The following LDB2 variants were observed in gnomAD, a reference collection of about 807,000 sequenced individuals.
The protein encoded by LDB2 is LIM domain-binding protein 2.
A neutral mutation model predicts 44.3 loss-of-function variants in LDB2; 12 were observed. The observed-to-expected ratio is 0.27, with a 90% CI of 0.17 to 0.44. The LOEUF is 0.44. LDB2 is among the 20% of genes least tolerant of loss of function. The pLI is 1.00. For synonymous variants in LDB2, 164 were observed against 174.8 expected, an observed-to-expected ratio of 0.94 and a Z score of 0.49; for missense variants, 344 against 473.5, an observed-to-expected ratio of 0.73 and a Z score of 2.54.
chr4:16,516,698 T>A (rs1012351064), intron 5 of LDB2, among the ~76,000 whole-genome samples: 1 of 152,204 alleles, frequency 6.6e-6, no homozygotes, highest in Non-Finnish European at 1.5e-5. Context: ...TGTCTTTTCC[T>A]TTTTTGCAGT....
At chr4:16,594,436 G>A (rs1720186064) in intron 3 of LDB2, among the ~76,000 whole-genome samples, 1 of 152,080 alleles carries the variant, frequency 6.6e-6, no homozygotes. Flanking sequence ...CTTTGTCTCT[G>A]ACTGACAACT....
At position 16,712,624 on chromosome 4, in the gene LDB2, A is replaced by G. The variant is rs563943502; in HGVS notation, c.235+46534T>C. Among the ~76,000 whole-genome samples the G allele has an allele frequency of 2.6e-5, 4 of 152,284 alleles. No individual in the cohort carries two copies. In the South Asian group the frequency reaches 6.2e-4, roughly 24 times the overall value. On this transcript the variant is annotated intron_variant, in intron 2 of 7. Coordinates refer to ENST00000304523, the MANE Select transcript of LDB2 (RefSeq NM_001290.5). ...AGCACCTGAAAAAATGCTCAACATC[A>G]TTAGTCACTAGGGAACTGCAAATCA...
intron 1 of LDB2, among the ~76,000 whole-genome samples, chr4:16,835,542 T>A (rs1315963223): frequency 6.6e-6 from 1 of 152,234 alleles, no homozygotes; most frequent in Non-Finnish European, 1.5e-5. Context: ...TTTCTGACTA[T>A]TTTTTAAGGC....
intron 2 of LDB2, among the ~76,000 whole-genome samples, chr4:16,599,066 T>C (rs755800122): frequency 2.0e-5 from 3 of 152,094 alleles, no homozygotes; most frequent in Non-Finnish European, 4.4e-5. Context: ...CACACTGTGT[T>C]AGAAGCTGCA....
chr4:16,712,278 T>C (rs1209601802), intron 2 of LDB2, among the ~76,000 whole-genome samples: 2 of 152,112 alleles, frequency 1.3e-5, no homozygotes, highest in Non-Finnish European at 2.9e-5. Context: ...TGAAGAAAGC[T>C]ATACAAGGCT....
At chr4:16,506,109 C>G (rs1357288972) in intron 7 of LDB2, 5 of 919,112 alleles carry the variant, frequency 5.4e-6, no homozygotes, top group African/African-American at 5.0e-5. Context: ...TTGGACCAGA[C>G]AGTGGATGCC....
In LDB2 at chr4:16,502,582, G is replaced by C; in HGVS notation, c.*61C>G. 1 of 1,587,704 alleles carries C rather than the reference G, an allele frequency of 6.3e-7. No individual in the cohort carries two copies. Among genetic ancestry groups the C allele is most frequent in the South Asian group, 1.1e-5 (1 of 90,354 alleles). ...TTCTGTTTCCTCTCCTGTAAGTAAA[G>C]ATTTGCAATTGTAATGATCACCCAC... On this transcript the variant is annotated 3_prime_UTR_variant, in exon 8 of 8. Coordinates refer to ENST00000304523, the MANE Select transcript of LDB2 (RefSeq NM_001290.5).
chr4:16,736,048 C>CGA (rs1761834050), intron 2 of LDB2, among the ~76,000 whole-genome samples: 3 of 152,162 alleles, frequency 2.0e-5, no homozygotes, highest in African/African-American at 7.2e-5. Context: ...TATGTGTACC[C>CGA]AGCAGCACCA....
chr4:16,898,113 G>A (rs1190112842), intron 1 of LDB2, among the ~76,000 whole-genome samples: 1 of 151,616 alleles, frequency 6.6e-6, no homozygotes, highest in African/African-American at 2.4e-5. Context: ...CTGGAAACCC[G>A]GCATGTGAAT....
chr4:16,680,321 T>C (rs2152567035), intron 2 of LDB2, among the ~76,000 whole-genome samples: 1 of 152,298 alleles, frequency 6.6e-6, no homozygotes, highest in East Asian at 1.9e-4. Flanking sequence ...AAGACACCTT[T>C]CTCCTGACTC....
chr4:16,892,737 T>TA (rs965605473), intron 1 of LDB2, among the ~76,000 whole-genome samples: 101 of 152,288 alleles, frequency 6.6e-4, no homozygotes, highest in African/African-American at 2.3e-3. Context: ...ACAATTGTAA[T>TA]AAAAAGAGAT....
chr4:16,751,931 G>A (rs939412525), intron 2 of LDB2, among the ~76,000 whole-genome samples: 2 of 152,130 alleles, frequency 1.3e-5, no homozygotes, highest in Non-Finnish European at 2.9e-5. Context: ...AGTTCCCACT[G>A]CACTCCAGTT....
chr4:16,699,612 TAAAG>T (rs1241119035), intron 2 of LDB2, among the ~76,000 whole-genome samples: 1 of 152,046 alleles, frequency 6.6e-6, no homozygotes, highest in African/African-American at 2.4e-5. Flanking sequence ...TTTAGAAATA[TAAAG>T]AAACTACACT....
chr4:16,608,690 C>G (rs917633100), intron 2 of LDB2, among the ~76,000 whole-genome samples: 2 of 152,206 alleles, frequency 1.3e-5, no homozygotes, highest in Non-Finnish European at 2.9e-5. Flanking sequence ...CATCATTCTT[C>G]CTTGAAGCTG....
At chr4:16,551,326 A>G (rs1737577199) in intron 5 of LDB2, among the ~76,000 whole-genome samples, 1 of 152,176 alleles carries the variant, frequency 6.6e-6, no homozygotes, top group South Asian at 2.1e-4. Flanking sequence ...ACAATTTTTT[A>G]AAAGTTAAGG....
At chr4:16,890,528 C>T (rs137941947) in intron 1 of LDB2, among the ~76,000 whole-genome samples, 10 of 152,136 alleles carry the variant, frequency 6.6e-5, no homozygotes, top group African/African-American at 2.2e-4. Flanking sequence ...GCTGGTCCAA[C>T]GTGGTACTAA....
chr4:16,757,885 G>T (rs1043791521), intron 2 of LDB2, among the ~76,000 whole-genome samples: 2 of 152,040 alleles, frequency 1.3e-5, no homozygotes, highest in African/African-American at 4.8e-5. Flanking sequence ...GAATATAAAG[G>T]TGCTCTAAAC....
chr4:16,822,635 T>C (rs11736672), intron 1 of LDB2, among the ~76,000 whole-genome samples: 25,851 of 152,006 alleles, frequency 0.17, 2,903 homozygotes, highest in South Asian at 0.29. Context: ...TGCCTCAGCC[T>C]CCCAAGTAGC....
intron 1 of LDB2, among the ~76,000 whole-genome samples, chr4:16,868,720 A>G (rs1360600034): frequency 2.6e-5 from 4 of 152,292 alleles, no homozygotes; most frequent in African/African-American, 7.2e-5. Context: ...TAGGACACCA[A>G]TTGCCAAAGA....
Sources: gnomAD v4.1 joint callset for allele counts (sites outside exome capture counted in the v4.1 genomes callset) on GRCh38, gnomAD v4.1.1 for gene constraint, MANE v1.5 for transcripts, NCBI Gene and HGNC (gene_info 2026-07-23, HGNC 2026-07-21) for gene names.